Variants in TBCA observed in about 807,000 individuals in gnomAD.
The protein encoded by TBCA is tubulin-specific chaperone A.
Under a neutral mutation model 15.8 loss-of-function variants are expected in TBCA, and 6 were observed. The ratio of observed to expected loss-of-function variants is 0.38; its 90% CI spans 0.21 to 0.75. The LOEUF is 0.75. Ranked by LOEUF, TBCA falls within the 30% of genes least tolerant of loss-of-function variation. The probability of loss-of-function intolerance (pLI) is 0.46; values close to 1 mark genes in which losing one functional copy is unlikely to be tolerated. For synonymous variants in TBCA, 32 were observed against 42.3 expected (o/e 0.76, Z 0.94); for missense variants, 90 against 131.2 (o/e 0.69, Z 1.53).
rs1745741781 is a variant in TBCA at position 77,691,203 on chromosome 5, G to C, written c.*215C>G. ...AAGTCTATGTGGTTTAATGATAAAA[G>C]GTTAATTTAAAAATTTTGTAAAGTA... On this transcript the variant is annotated 3_prime_UTR_variant, in exon 4 of 4. Transcript: ENST00000380377. 1 of 500,218 alleles carries C rather than the reference G, an allele frequency of 2.0e-6. No homozygotes were observed. The highest frequency in any genetic ancestry group is 3.5e-6 in the Non-Finnish European group (1 of 284,512). 31.0% of individuals were successfully genotyped at this position (500,218 alleles called of 1,614,324 possible).
intron 1 of TBCA, among the ~76,000 whole-genome samples, chr5:77,714,817 C>T (rs1409442806): frequency 1.3e-5 from 2 of 151,980 alleles, no homozygotes; most frequent in African/African-American, 4.8e-5. Context: ...CCGCCCACCT[C>T]GACCTCCCAA....
intron 1 of TBCA, among the ~76,000 whole-genome samples, chr5:77,753,499 A>G (rs1462960616): frequency 6.6e-6 from 1 of 152,252 alleles, no homozygotes; most frequent in Non-Finnish European, 1.5e-5. Flanking sequence ...CAAAAGCTGA[A>G]GCAGAAAGTT....
chr5:77,742,678 T>G (rs1165826011), intron 1 of TBCA, among the ~76,000 whole-genome samples: 4 of 152,188 alleles, frequency 2.6e-5, no homozygotes, highest in Non-Finnish European at 1.5e-5. Context: ...TGAAATACAA[T>G]TCCGAAGGCT....
At chr5:77,755,732 C>T in intron 1 of TBCA, among the ~76,000 whole-genome samples, 1 of 152,038 alleles carries the variant, frequency 6.6e-6, no homozygotes, top group East Asian at 1.9e-4. Flanking sequence ...GGGCCGGGTG[C>T]AGGGGCTCAC....
intron 1 of TBCA, among the ~76,000 whole-genome samples, chr5:77,766,464 C>T (rs1489751661): frequency 6.6e-6 from 1 of 151,800 alleles, no homozygotes; most frequent in Non-Finnish European, 1.5e-5. Context: ...GGTTGTTTCT[C>T]TTTTTTCTCC....
chr5:77,746,039 T>C (rs764681115), intron 1 of TBCA, among the ~76,000 whole-genome samples: 5 of 152,220 alleles, frequency 3.3e-5, no homozygotes, highest in African/African-American at 9.6e-5. Flanking sequence ...GTAGTAAAAC[T>C]TGCATAAGAA....
intron 2 of TBCA, among the ~76,000 whole-genome samples, chr5:77,699,621 A>C (rs1419141559): frequency 6.6e-6 from 1 of 152,200 alleles, no homozygotes; most frequent in African/African-American, 2.4e-5. Flanking sequence ...ACACAAAATC[A>C]TACAACTTTT....
chr5:77,737,953 CTTA>C (rs1746947244), intron 1 of TBCA, among the ~76,000 whole-genome samples: 1 of 152,288 alleles, frequency 6.6e-6, no homozygotes, highest in African/African-American at 2.4e-5. Flanking sequence ...TTCTAATTGC[CTTA>C]TTATCTGCTC....
At chr5:77,758,058 AG>A (rs2112502395) in intron 1 of TBCA, among the ~76,000 whole-genome samples, 2 of 152,324 alleles carry the variant, frequency 1.3e-5, no homozygotes, top group East Asian at 3.9e-4. Context: ...GCTTTAGAAC[AG>A]GAAAGGAAAG....
intron 1 of TBCA, among the ~76,000 whole-genome samples, chr5:77,770,574 C>G (rs988831352): frequency 3.1e-5 from 2 of 63,524 alleles, no homozygotes; most frequent in Non-Finnish European, 5.4e-5. Flanking sequence ...TATCCTCCCC[C>G]GCTCCAAAAA....
intron 1 of TBCA, among the ~76,000 whole-genome samples, chr5:77,772,129 A>G (rs940607912): frequency 2.0e-5 from 3 of 152,104 alleles, no homozygotes; most frequent in African/African-American, 4.8e-5. Flanking sequence ...CAAAAGCAAG[A>G]ACATGTCTGA....
chr5:77,700,030 CAAAAAAAAAAA>C (rs67790719), intron 2 of TBCA, among the ~76,000 whole-genome samples: 2 of 86,112 alleles, frequency 2.3e-5, no homozygotes, highest in Non-Finnish European at 2.1e-5. Context: ...GGCTCTGACT[CAAAAAAAAAAA>C]AAAAAAAAAG....
At position 77,753,196 on chromosome 5, in the gene TBCA, C is replaced by T. The variant is rs536564859; in HGVS notation, c.53+23009G>A. 3.9e-4 allele frequency among the ~76,000 whole-genome samples: 59 copies of T among 152,234 alleles called. 2 individuals carry two copies. In the South Asian group the frequency reaches 5.8e-3, roughly 15 times the overall value. ...AACATGACCTTAAGATTTTAAACTACTGAAGAGAATTTTGAGATCAAATTT... is the reference window on the plus strand; with the variant it reads ...AACATGACCTTAAGATTTTAAACTATTGAAGAGAATTTTGAGATCAAATTT... On this transcript the variant is annotated intron_variant, in intron 1 of 3. Coordinates refer to ENST00000380377, the MANE Select transcript of TBCA (RefSeq NM_004607.3).
intron 2 of TBCA, among the ~76,000 whole-genome samples, chr5:77,694,475 CA>C (rs1296195297): frequency 3.9e-5 from 6 of 152,098 alleles, no homozygotes; most frequent in Non-Finnish European, 5.9e-5. Flanking sequence ...AAAATCAAAT[CA>C]ATGACAGGGA....
chr5:77,728,324 T>C (rs1352485289), intron 1 of TBCA, among the ~76,000 whole-genome samples: 1 of 152,176 alleles, frequency 6.6e-6, no homozygotes, highest in Non-Finnish European at 1.5e-5. Flanking sequence ...ACATATGATT[T>C]ACAGGAGAGA....
chr5:77,766,869 G>A (rs924495647), intron 1 of TBCA, among the ~76,000 whole-genome samples: 4 of 151,774 alleles, frequency 2.6e-5, no homozygotes, highest in Non-Finnish European at 4.4e-5. Context: ...CCCTTTTCTG[G>A]TTTCCTCCAG....
intron 2 of TBCA, among the ~76,000 whole-genome samples, chr5:77,707,435 A>G (rs1457063280): frequency 1.3e-5 from 2 of 152,164 alleles, no homozygotes; most frequent in Non-Finnish European, 2.9e-5. Context: ...ACAGAAATTA[A>G]TAAGGAGAGG....
intron 1 of TBCA, among the ~76,000 whole-genome samples, chr5:77,721,447 T>C (rs1434289660): frequency 6.6e-6 from 1 of 152,168 alleles, no homozygotes; most frequent in East Asian, 1.9e-4. Flanking sequence ...TAAGTCCTTT[T>C]GTACAAAAGA....
At chr5:77,719,467 A>C (rs1266218969) in intron 1 of TBCA, among the ~76,000 whole-genome samples, 1 of 152,110 alleles carries the variant, frequency 6.6e-6, no homozygotes, top group Non-Finnish European at 1.5e-5. Flanking sequence ...ACATGTTCTC[A>C]ATTTCTTGTA....
Sources: allele counts gnomAD v4.1 joint callset (sites outside exome capture counted in the v4.1 genomes callset), GRCh38; gene constraint gnomAD v4.1.1; transcripts MANE v1.5; gene names NCBI Gene and HGNC (gene_info 2026-07-23, HGNC 2026-07-21).